DPP6: variants seen among roughly 807,000 people sequenced by gnomAD.
DPP6 encodes A-type potassium channel modulatory protein DPP6.
A neutral mutation model predicts 122.6 loss-of-function variants in DPP6; 69 were observed. The ratio of observed to expected loss-of-function variants is 0.56; its 90% confidence interval spans 0.46 to 0.69. The LOEUF is 0.69. Ranked by LOEUF, DPP6 falls within the 30% of genes least tolerant of loss-of-function variation. The pLI, the probability that DPP6 is intolerant of heterozygous loss-of-function variation, is 0.00. For missense variants in DPP6, 928 were observed against 1,116.9 expected (o/e 0.83, Z 2.41); for synonymous variants, 418 against 433.1 (o/e 0.97, Z 0.43).
chr7:154,583,211 C>T (rs932633055), intron 5 of DPP6, among the ~76,000 whole-genome samples: 9 of 152,196 alleles, frequency 5.9e-5, no homozygotes, highest in Admixed American at 4.6e-4. Flanking sequence ...AAACAACAGA[C>T]GTGTGTATCT....
intron 1 of DPP6, among the ~76,000 whole-genome samples, chr7:154,193,982 A>C (rs1171278418): frequency 2.0e-5 from 3 of 152,144 alleles, no homozygotes; most frequent in African/African-American, 7.2e-5. Context: ...CTCTTTTCCT[A>C]AAGGAACATA....
intron 8 of DPP6, among the ~76,000 whole-genome samples, chr7:154,757,341 C>G (rs539072957): frequency 6.6e-6 from 1 of 152,336 alleles, no homozygotes; most frequent in South Asian, 2.1e-4. Context: ...CGAGGCCCTG[C>G]AAGTGTCTGC....
intron 1 of DPP6, among the ~76,000 whole-genome samples, chr7:154,300,690 A>T (rs980255048): frequency 1.3e-5 from 2 of 152,152 alleles, no homozygotes; most frequent in Non-Finnish European, 2.9e-5. Flanking sequence ...AAGGGCTTGG[A>T]TCAAACATCT....
At chr7:154,508,793 C>T (rs563666745) in intron 3 of DPP6, among the ~76,000 whole-genome samples, 1 of 152,124 alleles carries the variant, frequency 6.6e-6, no homozygotes, top group South Asian at 2.1e-4. Context: ...GAGAAAATAG[C>T]ATAGATTTTC....
the DPP6 span, among the ~76,000 whole-genome samples, chr7:153,860,657 A>G: frequency 6.6e-6 from 1 of 152,032 alleles, no homozygotes; most frequent in Non-Finnish European, 1.5e-5. Flanking sequence ...CCTTCAAAAA[A>G]AAAAAAAAGG....
rs143605605 is a variant in DPP6, at chr7:153,923,196, C to T, written c.51+35462C>T. The stretch of plus-strand genomic sequence containing the variant: ...AGCAGGCACTGAACACCTAGGAGAC[C>T]ATCCTTAGAATCCCAGTCTCTTTAT... On this transcript the variant is annotated intron_variant, in intron 1 of 25. Coordinates refer to the DPP6 transcript ENST00000404039. Among the ~76,000 whole-genome samples the T allele has an allele frequency of 9.6e-4, 146 of 152,254 alleles. No individual in the cohort carries two copies. In the Middle Eastern group the frequency reaches 0.01, roughly 11 times the overall value.
At chr7:154,456,616 GTTTTC>G (rs1287373805) in intron 2 of DPP6, among the ~76,000 whole-genome samples, 1 of 152,062 alleles carries the variant, frequency 6.6e-6, no homozygotes, top group African/African-American at 2.4e-5. Context: ...TCCTGTTAAT[GTTTTC>G]TTTTATGGCC....
At chr7:154,134,550 C>T (rs1795446041) in intron 1 of DPP6, among the ~76,000 whole-genome samples, 1 of 152,192 alleles carries the variant, frequency 6.6e-6, no homozygotes, top group African/African-American at 2.4e-5. Context: ...TGACCTTGAG[C>T]TTCACAAGGT....
At chr7:153,812,017 C>T in the DPP6 span, among the ~76,000 whole-genome samples, 1 of 150,564 alleles carries the variant, frequency 6.6e-6, no homozygotes, top group Non-Finnish European at 1.5e-5. Flanking sequence ...GTTTTTACCG[C>T]CCAAATGCAC....
At chr7:154,376,768 AAG>A (rs2151132834) in intron 1 of DPP6, among the ~76,000 whole-genome samples, 1 of 152,334 alleles carries the variant, frequency 6.6e-6, no homozygotes, top group Non-Finnish European at 1.5e-5. Context: ...GGGCCTCATT[AAG>A]TCAAAGAACT....
the DPP6 span, among the ~76,000 whole-genome samples, chr7:153,868,967 T>A: frequency 2.0e-5 from 3 of 152,138 alleles, no homozygotes; most frequent in Admixed American, 2.0e-4. Flanking sequence ...TGATTTTGAG[T>A]GAGTTTCTTA....
At chr7:154,506,199 CT>C in intron 3 of DPP6, among the ~76,000 whole-genome samples, 1 of 150,414 alleles carries the variant, frequency 6.6e-6, no homozygotes, top group Middle Eastern at 3.4e-3. Flanking sequence ...GATGTAGCTC[CT>C]TTTTTTGTAG....
the DPP6 span, among the ~76,000 whole-genome samples, chr7:153,752,969 A>C: frequency 2.0e-4 from 30 of 152,200 alleles, no homozygotes; most frequent in South Asian, 2.1e-4. Flanking sequence ...GTTTGCATAT[A>C]GTAAGCATTT....
chr7:154,183,563 A>G (rs140888321), intron 1 of DPP6, among the ~76,000 whole-genome samples: 1 of 152,140 alleles, frequency 6.6e-6, no homozygotes, highest in Non-Finnish European at 1.5e-5. Context: ...AGAGAGCCTC[A>G]GCATTCACTA....
At chr7:154,632,426 T>C (rs1835462446) in intron 5 of DPP6, among the ~76,000 whole-genome samples, 1 of 152,074 alleles carries the variant, frequency 6.6e-6, no homozygotes, top group Admixed American at 6.6e-5. Flanking sequence ...TTTGATTGAA[T>C]TGGAGTAGGG....
At chr7:154,314,736 A>C (rs1807279500) in intron 1 of DPP6, among the ~76,000 whole-genome samples, 1 of 152,186 alleles carries the variant, frequency 6.6e-6, no homozygotes, top group Non-Finnish European at 1.5e-5. Flanking sequence ...CAAATTCAGA[A>C]CACAACTCCC....
intron 1 of DPP6, among the ~76,000 whole-genome samples, chr7:154,208,062 C>T (rs528632223): frequency 9.9e-5 from 15 of 151,974 alleles, no homozygotes; most frequent in African/African-American, 3.4e-4. Flanking sequence ...ATAAAGAAAA[C>T]AGGCATTGGT....
intron 1 of DPP6, among the ~76,000 whole-genome samples, chr7:154,278,721 C>A (rs1251912592): frequency 1.3e-5 from 2 of 152,090 alleles, no homozygotes; most frequent in East Asian, 1.9e-4. Flanking sequence ...ATGTATTAAC[C>A]ACATTGTTTA....
intron 1 of DPP6, among the ~76,000 whole-genome samples, chr7:154,397,902 T>C (rs1466570833): frequency 6.6e-6 from 1 of 152,234 alleles, no homozygotes; most frequent in Non-Finnish European, 1.5e-5. Flanking sequence ...CAAATCTTTC[T>C]AGGTCTTGGT....
Sources: allele counts gnomAD v4.1 joint callset (sites outside exome capture counted in the v4.1 genomes callset), GRCh38; gene constraint gnomAD v4.1.1; transcripts MANE v1.5; gene names NCBI Gene and HGNC (gene_info 2026-07-23, HGNC 2026-07-21).